ALOX5: variants seen among roughly 807,000 people sequenced by gnomAD.
The protein encoded by ALOX5 is arachidonate 5-lipoxygenase, also known as polyunsaturated fatty acid 5-lipoxygenase.
Under a neutral mutation model 87.9 loss-of-function variants are expected in ALOX5, and 64 were observed. That is an observed-to-expected ratio of 0.73 (90% CI 0.60 to 0.90). The LOEUF (loss-of-function observed/expected upper bound fraction) is 0.90, where lower values mean the gene tolerates loss of function less well. Among genes scored for constraint, ALOX5 ranks in the 40% least tolerant of loss-of-function variants. The pLI is 0.00. For missense variants in ALOX5, 822 were observed against 907.5 expected (o/e 0.91, Z 1.21); for synonymous variants, 388 against 355.1 (o/e 1.09, Z -1.04).
At chr10:45,396,406 A>G (rs1052025885) in intron 3 of ALOX5, among the ~76,000 whole-genome samples, 1 of 152,218 alleles carries the variant, frequency 6.6e-6, no homozygotes, top group African/African-American at 2.4e-5. Flanking sequence ...GACTCATAAA[A>G]TGAGGGAAAA....
At chr10:45,412,972 C>T (rs1024910650) in intron 4 of ALOX5, among the ~76,000 whole-genome samples, 2 of 152,194 alleles carry the variant, frequency 1.3e-5, no homozygotes, top group East Asian at 3.9e-4. Flanking sequence ...CCCAGGACTA[C>T]TGAGTGTAGG....
chr10:45,436,030 G>A (rs12247163), intron 7 of ALOX5, among the ~76,000 whole-genome samples: 36,837 of 151,958 alleles, frequency 0.24, 5,064 homozygotes, highest in African/African-American at 0.37. Flanking sequence ...AGTGATGTTG[G>A]GCATTTTTTC....
intron 3 of ALOX5, among the ~76,000 whole-genome samples, chr10:45,402,395 G>A (rs1290644580): frequency 1.3e-5 from 2 of 152,100 alleles, no homozygotes; most frequent in Non-Finnish European, 2.9e-5. Context: ...ACACGTATGT[G>A]GGTACTGGGT....
intron 1 of ALOX5, among the ~76,000 whole-genome samples, chr10:45,375,265 C>T (rs1034043730): frequency 6.6e-6 from 1 of 152,206 alleles, no homozygotes; most frequent in African/African-American, 2.4e-5. Context: ...CATTTGGAAG[C>T]TAGTTCCTAA....
intron 4 of ALOX5, among the ~76,000 whole-genome samples, chr10:45,422,306 CAGG>C (rs1841531943): frequency 6.6e-6 from 1 of 152,174 alleles, no homozygotes; most frequent in African/African-American, 2.4e-5. Flanking sequence ...TCTGCTGGAT[CAGG>C]AGGATGTGGG....
chr10:45,430,029 G>T (rs576664489), intron 7 of ALOX5, among the ~76,000 whole-genome samples: 2 of 152,318 alleles, frequency 1.3e-5, no homozygotes, highest in South Asian at 4.1e-4. Flanking sequence ...GGAGCTTCCT[G>T]TCTGTTACCA....
At chr10:45,416,204 T>G (rs1404370945) in intron 4 of ALOX5, among the ~76,000 whole-genome samples, 1 of 151,916 alleles carries the variant, frequency 6.6e-6, no homozygotes, top group Non-Finnish European at 1.5e-5. Flanking sequence ...GTAAATAATA[T>G]TATTGACCAT....
At position 45,443,187 on chromosome 10, in the gene ALOX5, C is replaced by CG; in HGVS notation, c.1425dup (p.Leu476AlafsTer111). Reference sequence around the variant, plus strand: ...TCCCCTACTACTTCTACCGGGACGACGGGCTCCTGGTGTGGGAAGCCATCA... The same window carrying CG: ...TCCCCTACTACTTCTACCGGGACGACGGGGCTCCTGGTGTGGGAAGCCATCA... On this transcript the variant is annotated frameshift_variant, in exon 10 of 14. Transcript: ENST00000374391. LOFTEE classifies it high-confidence loss of function. 6.2e-7 allele frequency: 1 copy of CG among 1,613,662 alleles called. No individual in the cohort carries two copies. The highest frequency in any genetic ancestry group is 8.5e-7 in the Non-Finnish European group (1 of 1,179,960).
chr10:45,408,118 CT>C (rs1840945127), intron 3 of ALOX5, among the ~76,000 whole-genome samples: 1 of 152,092 alleles, frequency 6.6e-6, no homozygotes, highest in Non-Finnish European at 1.5e-5. Context: ...GCTTTTACTC[CT>C]TGCATATTAC....
intron 2 of ALOX5, among the ~76,000 whole-genome samples, chr10:45,387,362 G>A (rs572806044): frequency 6.6e-6 from 1 of 152,320 alleles, no homozygotes; most frequent in South Asian, 2.1e-4. Context: ...CATAAGAGCT[G>A]TGAGAACTGC....
chr10:45,408,748 C>T, intron 3 of ALOX5, among the ~76,000 whole-genome samples: 1 of 152,118 alleles, frequency 6.6e-6, no homozygotes. Context: ...GGGGAGGGTC[C>T]ATCAGTCAGT....
chr10:45,382,350 T>C lies in ALOX5; in HGVS notation c.151-133T>C, dbSNP rs185411011. 1,883 of 907,072 alleles carry C rather than the reference T, an allele frequency of 2.1e-3. 9 individuals carry two copies. Among genetic ancestry groups the C allele is most frequent in the Non-Finnish European group, 2.9e-3 (1,680 of 585,122 alleles). The allele number at this position is 907,072 out of a possible 1,614,324, so 56.2% of individuals were successfully genotyped here. On this transcript the variant is annotated intron_variant, in intron 1 of 13. Transcript: ENST00000374391. ...ATGTCAGAGTATCTTGCACCTGCTG[T>C]TTTTTTAAGTGCTTTTCATTCAACG...
At chr10:45,432,280 A>G (rs1841929554) in intron 7 of ALOX5, among the ~76,000 whole-genome samples, 1 of 151,494 alleles carries the variant, frequency 6.6e-6, no homozygotes, top group Admixed American at 6.6e-5. Flanking sequence ...GGATGGCTTG[A>G]GTCCAGGAGT....
chr10:45,374,224 A>T lies in ALOX5; in HGVS notation c.-56A>T. The T allele has an allele frequency of 1.4e-6, 2 of 1,410,962 alleles. No homozygotes were observed. 87.4% of individuals were successfully genotyped at this position (1,410,962 alleles called of 1,614,324 possible). On this transcript the variant is annotated 5_prime_UTR_variant, in exon 1 of 14. Transcript: ENST00000374391. ...GAGGAGGCTGCGGCGCTAGATGCGG[A>T]CACCTGGACCGCCGCGCCGAGGCTC...
chr10:45,428,098 C>G (rs147279673), intron 6 of ALOX5, among the ~76,000 whole-genome samples: 1,772 of 151,134 alleles, frequency 0.012, 26 homozygotes, highest in Middle Eastern at 0.034. Flanking sequence ...CCTGTAGAGT[C>G]CCCTGCCCGT....
intron 4 of ALOX5, among the ~76,000 whole-genome samples, chr10:45,420,927 G>C (rs1464489265): frequency 1.3e-5 from 2 of 152,244 alleles, no homozygotes; most frequent in Non-Finnish European, 2.9e-5. Context: ...AAGTAGGGGC[G>C]AGGGGTGGGG....
intron 2 of ALOX5, among the ~76,000 whole-genome samples, chr10:45,383,560 C>A (rs747585247): frequency 6.6e-6 from 1 of 152,240 alleles, no homozygotes; most frequent in African/African-American, 2.4e-5. Context: ...GCGTCAAACT[C>A]TTTCTCTTTG....
chr10:45,437,163 A>T (rs1400365858), intron 7 of ALOX5, among the ~76,000 whole-genome samples: 1 of 152,072 alleles, frequency 6.6e-6, no homozygotes, highest in Non-Finnish European at 1.5e-5. Context: ...GACCAGCCTG[A>T]CCAACATGGT....
At chr10:45,427,042 C>G (rs933271561) in intron 6 of ALOX5, among the ~76,000 whole-genome samples, 1 of 152,176 alleles carries the variant, frequency 6.6e-6, no homozygotes, top group Admixed American at 6.5e-5. Flanking sequence ...TCTAGACAGG[C>G]AAAAACTCCA....
Sources: allele counts gnomAD v4.1 joint callset (sites outside exome capture counted in the v4.1 genomes callset), GRCh38; gene constraint gnomAD v4.1.1; transcripts MANE v1.5; gene names NCBI Gene and HGNC (gene_info 2026-07-23, HGNC 2026-07-21).